Variants in SAP30L observed in about 807,000 individuals in gnomAD.
SAP30L encodes the protein histone deacetylase complex subunit SAP30L.
Under a neutral mutation model 22.3 loss-of-function variants are expected in SAP30L, and 10 were observed. That is an observed-to-expected ratio of 0.45 (90% confidence interval 0.28 to 0.76). The LOEUF (loss-of-function observed/expected upper bound fraction) is 0.76, where lower values mean the gene tolerates loss of function less well. SAP30L is among the 30% of genes least tolerant of loss of function. The pLI, the probability that SAP30L is intolerant of heterozygous loss-of-function variation, is 0.14. For missense variants in SAP30L, 206 were observed against 237.9 expected, an observed-to-expected ratio of 0.87 and a Z score of 0.88; for synonymous variants, 91 against 94.1, an observed-to-expected ratio of 0.97 and a Z score of 0.19.
In SAP30L at chr5:154,457,256, A is replaced by G. The variant is rs1757282252; in HGVS notation, c.*1228A>G. 6.6e-6 allele frequency: 1 copy of G among 152,244 alleles called. No individual in the cohort carries two copies. Among genetic ancestry groups the G allele is most frequent in the Admixed American group, 6.5e-5 (1 of 15,292 alleles). The allele number at this position is 152,244 out of a possible 1,614,324, so 9.4% of individuals were successfully genotyped here. ...AAGTATCCTGTGAAAACAAAGCTTT[A>G]TATCCAAAAATGTGCTTTTGCAAAA... On this transcript the variant is annotated 3_prime_UTR_variant, in exon 4 of 4. Coordinates refer to ENST00000297109, the MANE Select transcript of SAP30L (RefSeq NM_024632.6).
At position 154,460,555 on chromosome 5, in the gene SAP30L, A is replaced by G. The variant is rs1582049731; in HGVS notation, c.*4527A>G. 1 of 152,362 alleles carries G rather than the reference A, an allele frequency of 6.6e-6. No homozygotes were observed. Among genetic ancestry groups the G allele is most frequent in the Non-Finnish European group, 1.5e-5 (1 of 68,044 alleles). The allele number at this position is 152,362 out of a possible 1,614,324, so 9.4% of individuals were successfully genotyped here. A position where few individuals can be genotyped will look rare whatever the true frequency, so the allele number is the denominator to read the frequency against. ...TTCCAAGTTTATGGTTAGAAATGGT[A>G]AAGTGGGTCTGGTGTTTTGAGGTAG... On this transcript the variant is annotated 3_prime_UTR_variant, in exon 4 of 4. Coordinates refer to ENST00000297109, the MANE Select transcript of SAP30L (RefSeq NM_024632.6).
chr5:154,446,232 C>G lies in SAP30L; in HGVS notation c.-373C>G, dbSNP rs2113261442. 5.3e-6 allele frequency: 1 copy of G among 188,740 alleles called. No individual in the cohort carries two copies. Among genetic ancestry groups the G allele is most frequent in the East Asian group, 1.3e-4 (1 of 7,818 alleles). The allele number at this position is 188,740 out of a possible 1,614,324, so 11.7% of individuals were successfully genotyped here. A position where few individuals can be genotyped will look rare whatever the true frequency, so the allele number is the denominator to read the frequency against. ...GGGAGCCGGCAGGGGCCTTCGAAAC[C>G]CCCTGGCAACCCAGGCCCGGAGTCC... On this transcript the variant is annotated 5_prime_UTR_variant, in exon 1 of 4. Transcript: ENST00000297109.
chr5:154,451,199 A>C lies in SAP30L; in HGVS notation c.310A>C (p.Thr104Pro). 1 of 1,613,978 alleles carries C rather than the reference A, an allele frequency of 6.2e-7. No individual in the cohort carries two copies. Among genetic ancestry groups the C allele is most frequent in the Non-Finnish European group, 8.5e-7 (1 of 1,179,968 alleles). Residue 104 changes from threonine to proline, a missense_variant, in exon 2 of 4, where the codon ACT (threonine) becomes CCT (proline). This residue lies in a region of SAP30L where 136 missense variants were observed against 187.4 expected (regional missense o/e 0.73). Transcript: ENST00000297109. ...TGGCGGAGATTCTCCCGAGCACGAC[A>C]CTGACATTCCTGAGGTAAAGGTCAA... ...DDGGDSPEHD[T>P]DIPEVDLFQL...
chr5:154,455,500 C>T (rs1222822304), intron 3 of SAP30L, among the ~76,000 whole-genome samples: 2 of 152,206 alleles, frequency 1.3e-5, no homozygotes, highest in South Asian at 2.1e-4. Flanking sequence ...TGAGCCACCA[C>T]GCCTGCCCCA....
rs140657792 is a variant in SAP30L at position 154,448,863 on chromosome 5, G to C, written c.201+2058G>C. ...TCAAAATTTGTTTTAAGGTGGTGTT[G>C]TGGAGTCATTATTTCTGAAAGGGAT... On this transcript the variant is annotated intron_variant, in intron 1 of 3. Coordinates refer to ENST00000297109, the MANE Select transcript of SAP30L (RefSeq NM_024632.6). 1.5e-3 allele frequency among the ~76,000 whole-genome samples: 236 copies of C among 152,264 alleles called. 1 individual carries two copies. Among genetic ancestry groups the C allele is most frequent in the African/African-American group, 5.4e-3 (226 of 41,538 alleles).
chr5:154,456,194 C>G lies in SAP30L; in HGVS notation c.*166C>G, dbSNP rs1466317220. 1 of 592,940 alleles carries G rather than the reference C, an allele frequency of 1.7e-6. No individual in the cohort carries two copies. The allele number at this position is 592,940 out of a possible 1,614,324, so 36.7% of individuals were successfully genotyped here. A position where few individuals can be genotyped will look rare whatever the true frequency, so the allele number is the denominator to read the frequency against. ...GGAGGATTATATTCTCATGATTCAGCATGTGTATAGAAAGACTTTCTTTTA... is the reference window on the plus strand; with the variant it reads ...GGAGGATTATATTCTCATGATTCAGGATGTGTATAGAAAGACTTTCTTTTA... On this transcript the variant is annotated 3_prime_UTR_variant, in exon 4 of 4. Coordinates refer to ENST00000297109, the MANE Select transcript of SAP30L (RefSeq NM_024632.6).
Position 154,460,050 on chromosome 5 carries a change from A to G in SAP30L, c.*4022A>G, listed in dbSNP as rs912063745. 1.3e-5 allele frequency: 2 copies of G among 152,194 alleles called. No individual in the cohort carries two copies. The allele number at this position is 152,194 out of a possible 1,614,324, so 9.4% of individuals were successfully genotyped here. On this transcript the variant is annotated 3_prime_UTR_variant, in exon 4 of 4. Transcript: ENST00000297109. ...AACCTCTGGCCCTCTTGACCTGTCTAGCATTCTTTCTTTCTGACCTATAGG... is the reference window on the plus strand; with the variant it reads ...AACCTCTGGCCCTCTTGACCTGTCTGGCATTCTTTCTTTCTGACCTATAGG...
rs1409057994 is a variant in SAP30L, at chr5:154,446,145, G to A, written c.-460G>A. 6.6e-6 allele frequency: 1 copy of A among 151,818 alleles called. No homozygotes were observed. The highest frequency in any genetic ancestry group is 1.5e-5 in the Non-Finnish European group (1 of 67,996). The allele number at this position is 151,818 out of a possible 1,614,324, so 9.4% of individuals were successfully genotyped here. A position where few individuals can be genotyped will look rare whatever the true frequency, so the allele number is the denominator to read the frequency against. On this transcript the variant is annotated 5_prime_UTR_variant, in exon 1 of 4. Transcript: ENST00000297109. ...GGTTCGAGGCCGGGCCCCGCGCGAGGAGGCCGCGCCACCCCGGGGGAGCTG... is the reference window on the plus strand; with the variant it reads ...GGTTCGAGGCCGGGCCCCGCGCGAGAAGGCCGCGCCACCCCGGGGGAGCTG...
Position 154,461,015 on chromosome 5 carries a change from G to T in SAP30L, c.*4987G>T, listed in dbSNP as rs560287030. On this transcript the variant is annotated 3_prime_UTR_variant, in exon 4 of 4. Coordinates refer to ENST00000297109, the MANE Select transcript of SAP30L (RefSeq NM_024632.6). ...GCAATATCACACGATGGGATGGCCC[G>T]ACTTTTGCTCTTAATAAATAATCTG... 1 of 152,190 alleles carries T rather than the reference G, an allele frequency of 6.6e-6. No homozygotes were observed. Among genetic ancestry groups the T allele is most frequent in the Non-Finnish European group, 1.5e-5 (1 of 68,048 alleles). 9.4% of individuals were successfully genotyped at this position (152,190 alleles called of 1,614,324 possible). A position where few individuals can be genotyped will look rare whatever the true frequency, so the allele number is the denominator to read the frequency against.
At chr5:154,454,910 C>G (rs943267107) in intron 3 of SAP30L, among the ~76,000 whole-genome samples, 3 of 151,698 alleles carry the variant, frequency 2.0e-5, no homozygotes, top group African/African-American at 7.3e-5. Flanking sequence ...ATTGGCTGTT[C>G]ATTTAACACA....
rs1239832375 is a variant in SAP30L at position 154,446,746 on chromosome 5, A to G, written c.142A>G (p.Ser48Gly). The G allele has an allele frequency of 1.9e-6, 3 of 1,608,204 alleles. No individual in the cohort carries two copies. Among genetic ancestry groups the G allele is most frequent in the African/African-American group, 2.7e-5 (2 of 74,608 alleles). Residue 48 changes from serine (S) to glycine (G), a missense_variant, in exon 1 of 4, where the codon AGC (serine) becomes GGC (glycine). By Grantham distance (56) the Ser-to-Gly change is moderately conservative. Around this residue, in one of 2 missense-constraint regions of SAP30L, gnomAD observed 136 missense variants for 187.4 expected, o/e 0.73. Transcript: ENST00000297109. The stretch of plus-strand genomic sequence containing the variant: ...CCGGCCCGCGGGCAACGCCTCCTTC[A>G]GCAAGAGGGTCCAGAAGAGCATCTC... Reference protein sequence around the residue: ...CVRPAGNASFSKRVQKSISQK... With the variant: ...CVRPAGNASFGKRVQKSISQK...
rs1183998843 is a variant in SAP30L at position 154,457,042 on chromosome 5, A to ACTCC, written c.*1017_*1020dup. ...AGGATTGAAAGTCTGGCTGGCCTTGACTCCCTGGGCTCTGGTCATCAGCAA... is the reference window on the plus strand; with the variant it reads ...AGGATTGAAAGTCTGGCTGGCCTTGACTCCCTCCCTGGGCTCTGGTCATCAGCAA... On this transcript the variant is annotated 3_prime_UTR_variant, in exon 4 of 4. Coordinates refer to ENST00000297109, the MANE Select transcript of SAP30L (RefSeq NM_024632.6). 4 of 152,146 alleles carry ACTCC rather than the reference A, an allele frequency of 2.6e-5. No individual in the cohort carries two copies. The East Asian group carries it at 5.8e-4, about 22-fold the overall frequency. The allele number at this position is 152,146 out of a possible 1,614,324, so 9.4% of individuals were successfully genotyped here.
At chr5:154,451,306 T>C in intron 2 of SAP30L, 93 bp downstream of exon 2, 2 of 1,329,822 alleles carry the variant, frequency 1.5e-6, no homozygotes, top group Non-Finnish European at 2.1e-6. Flanking sequence ...TGTTAAGAAG[T>C]AATTTTAGTC....
chr5:154,446,489 G>A lies in SAP30L; in HGVS notation c.-116G>A. ...GGGGCAGGGCAGCGCCCGGGCTGGA[G>A]ACGGACTCTGGGACCCTCGGCTGCG... On this transcript the variant is annotated 5_prime_UTR_variant, in exon 1 of 4. Coordinates refer to ENST00000297109, the MANE Select transcript of SAP30L (RefSeq NM_024632.6). 2.3e-6 allele frequency: 2 copies of A among 867,478 alleles called. No homozygotes were observed. The allele number at this position is 867,478 out of a possible 1,614,324, so 53.7% of individuals were successfully genotyped here. A position where few individuals can be genotyped will look rare whatever the true frequency, so the allele number is the denominator to read the frequency against.
At chr5:154,451,908 C>G (rs892980953) in intron 2 of SAP30L, among the ~76,000 whole-genome samples, 4 of 152,186 alleles carry the variant, frequency 2.6e-5, no homozygotes, top group Non-Finnish European at 4.4e-5. Flanking sequence ...TGCCACACCT[C>G]CTTTACAAGA....
chr5:154,451,431 G>A (rs1304489816), intron 2 of SAP30L: 1 of 573,750 alleles, frequency 1.7e-6, no homozygotes, highest in African/African-American at 1.9e-5. Flanking sequence ...GACAGGCACA[G>A]AGAGCCGAGG....
rs1027758684 is a variant in SAP30L, at chr5:154,461,020, T to C, written c.*4992T>C. 7 of 152,258 alleles carry C rather than the reference T, an allele frequency of 4.6e-5. No homozygotes were observed. Among genetic ancestry groups the C allele is most frequent in the Admixed American group, 3.9e-4 (6 of 15,284 alleles). The allele number at this position is 152,258 out of a possible 1,614,324, so 9.4% of individuals were successfully genotyped here. A position where few individuals can be genotyped will look rare whatever the true frequency, so the allele number is the denominator to read the frequency against. On this transcript the variant is annotated 3_prime_UTR_variant, in exon 4 of 4. Coordinates refer to ENST00000297109, the MANE Select transcript of SAP30L (RefSeq NM_024632.6). ...ATCACACGATGGGATGGCCCGACTT[T>C]TGCTCTTAATAAATAATCTGAATGA...
intron 1 of SAP30L, among the ~76,000 whole-genome samples, chr5:154,449,022 C>G (rs1430820729): frequency 6.6e-6 from 1 of 151,858 alleles, no homozygotes; most frequent in Non-Finnish European, 1.5e-5. Flanking sequence ...CTGCCCCAAC[C>G]CCACTCCCAA....
intron 2 of SAP30L, among the ~76,000 whole-genome samples, chr5:154,451,909 C>A (rs771799853): frequency 2.0e-5 from 3 of 152,196 alleles, no homozygotes; most frequent in Admixed American, 1.3e-4. Flanking sequence ...GCCACACCTC[C>A]TTTACAAGAC....
Sources: gnomAD v4.1 joint callset for allele counts (sites outside exome capture counted in the v4.1 genomes callset) on GRCh38, gnomAD v4.1.1 for gene constraint, gnomAD v4.1.1 regional missense constraint, MANE v1.5 for transcripts, NCBI Gene and HGNC (gene_info 2026-07-23, HGNC 2026-07-21) for gene names.